The following RBM26 variants were observed in gnomAD, a reference collection of about 807,000 sequenced individuals.
The protein encoded by RBM26 is RNA binding motif protein 26.
A neutral mutation model predicts 123.6 loss-of-function variants in RBM26; 30 were observed. The observed-to-expected ratio is 0.24, with a 90% confidence interval of 0.18 to 0.33. The LOEUF (loss-of-function observed/expected upper bound fraction) is 0.33, where lower values mean the gene tolerates loss of function less well. Ranked by LOEUF, RBM26 falls within the 10% of genes least tolerant of loss-of-function variation. RBM26 has a pLI of 1.00. For missense variants in RBM26, 947 were observed against 1,203.6 expected (o/e 0.79, Z 3.15); for synonymous variants, 400 against 404.4 (o/e 0.99, Z 0.13).
intron 3 of RBM26, among the ~76,000 whole-genome samples, chr13:79,372,759 T>C (rs921190045): frequency 9.2e-6 from 1 of 108,996 alleles, no homozygotes; most frequent in Non-Finnish European, 1.7e-5. Context: ...TAATTTATTA[T>C]ATATTTTATA....
At chr13:79,352,541 C>T (rs185728569) in intron 14 of RBM26, among the ~76,000 whole-genome samples, 26 of 151,588 alleles carry the variant, frequency 1.7e-4, no homozygotes, top group African/African-American at 6.1e-4. Flanking sequence ...AATATTTACC[C>T]CCCTTCATTT....
intron 1 of RBM26, among the ~76,000 whole-genome samples, chr13:79,385,075 T>C (rs2077372054): frequency 6.6e-6 from 1 of 152,180 alleles, no homozygotes; most frequent in Non-Finnish European, 1.5e-5. Context: ...AGAACACGGA[T>C]ATGCACCCAC....
rs756743150 is a variant in RBM26, at chr13:79,366,889, G to A, written c.896-17C>T. 5 of 1,549,026 alleles carry A rather than the reference G, an allele frequency of 3.2e-6. No individual in the cohort carries two copies. The South Asian group carries it at 4.9e-5, about 15-fold the overall frequency. ...AACCCTTTTCTATGAGGAAGGAATA[G>A]TTAGAAACAAATGTCAAAAGCACTG... On this transcript the variant is annotated splice_polypyrimidine_tract_variant and intron_variant, in intron 6 of 21. Coordinates refer to ENST00000438737, the MANE Select transcript of RBM26 (RefSeq NM_001366735.2).
At chr13:79,396,958 T>C (rs1351032864) in intron 1 of RBM26, among the ~76,000 whole-genome samples, 2 of 152,170 alleles carry the variant, frequency 1.3e-5, no homozygotes, top group Admixed American at 6.5e-5. Context: ...GGCAGGCAGA[T>C]CACCTGAGGT....
At chr13:79,385,110 T>G (rs533268921) in intron 1 of RBM26, among the ~76,000 whole-genome samples, 45 of 152,354 alleles carry the variant, frequency 3.0e-4, no homozygotes, top group Admixed American at 8.5e-4. Context: ...AATTTTCATT[T>G]TATATTCAGG....
At chr13:79,341,015 A>G (rs1437101986) in intron 18 of RBM26, 108 bp downstream of exon 18, 3 of 603,792 alleles carry the variant, frequency 5.0e-6, no homozygotes, top group Non-Finnish European at 8.4e-6. Flanking sequence ...GCCAGGGATT[A>G]CCAACAATTA....
At chr13:79,314,857 G>T, downstream of RBM26, 1 of 588,336 alleles carries the variant, frequency 1.7e-6, no homozygotes, top group Non-Finnish European at 2.8e-6. Flanking sequence ...TATAGTACAT[G>T]TAAACATCTG....
At position 79,377,512 on chromosome 13, in the gene RBM26, G is replaced by T; in HGVS notation, c.194C>A (p.Thr65Lys). The change falls in exon 3 of 22, where the codon ACA (threonine) becomes AAA (lysine). Residue 65 changes from threonine (T) to lysine (K), a missense_variant. By Grantham distance (78) the Thr-to-Lys change is moderately conservative (BLOSUM62 -1). This residue lies in a region of RBM26 where 275 missense variants were observed against 361.0 expected (regional missense o/e 0.76). Transcript: ENST00000438737. Reference sequence around the variant, plus strand: ...AAAAAGTTTTTCCACAAATATCTGTGTCTCTAAAAATAAAACCAAACACCA... The same window carrying T: ...AAAAAGTTTTTCCACAAATATCTGTTTCTCTAAAAATAAAACCAAACACCA... The part of the protein sequence containing the change: ...DQLDVFLQKE[T>K]QIFVEKLFDA... The T allele has an allele frequency of 6.2e-7, 1 of 1,606,794 alleles. No homozygotes were observed. The highest frequency in any genetic ancestry group is 8.5e-7 in the Non-Finnish European group (1 of 1,174,578).
chr13:79,371,459 C>T (rs1190671005), intron 4 of RBM26, among the ~76,000 whole-genome samples: 1 of 152,000 alleles, frequency 6.6e-6, no homozygotes, highest in African/African-American at 2.4e-5. Flanking sequence ...CTATCCCGTA[C>T]ATATAATCTC....
At chr13:79,349,104 T>C (rs1275449916) in intron 14 of RBM26, among the ~76,000 whole-genome samples, 1 of 152,196 alleles carries the variant, frequency 6.6e-6, no homozygotes, top group African/African-American at 2.4e-5. Flanking sequence ...TGACTGTCTG[T>C]GTATTTATCA....
At chr13:79,366,260 T>C in intron 7 of RBM26, 65 bp from the exon 8 acceptor site, 2 of 1,510,368 alleles carry the variant, frequency 1.3e-6, no homozygotes, top group Non-Finnish European at 1.8e-6. Flanking sequence ...TTATTGCACA[T>C]CCGAACATAA....
At chr13:79,386,261 G>A (rs1361611075) in intron 1 of RBM26, among the ~76,000 whole-genome samples, 1 of 151,898 alleles carries the variant, frequency 6.6e-6, no homozygotes, top group East Asian at 1.9e-4. Context: ...TGTTATACTG[G>A]TTGAAGTACA....
At position 79,367,425 on chromosome 13, in the gene RBM26, AAAAAAAAGAAG is replaced by A. The variant is rs1403935529; in HGVS notation, c.896-564_896-554del. Among the ~76,000 whole-genome samples the A allele has an allele frequency of 3.9e-4, 47 of 119,256 alleles. 1 individual carries two copies. Among genetic ancestry groups the A allele is most frequent in the Middle Eastern group, 3.8e-3 (1 of 260 alleles). The allele number at this position is 119,256 out of a possible 152,430, so 78.2% of individuals were successfully genotyped here. On this transcript the variant is annotated intron_variant, in intron 6 of 21. Coordinates refer to ENST00000438737, the MANE Select transcript of RBM26 (RefSeq NM_001366735.2). The stretch of plus-strand genomic sequence containing the variant: ...CCATCTCAAAAAAAAAAAAAAAAAA[AAAAAAAAGAAG>A]AAGAAGAGGCAAAAGAGAGAAATGT...
chr13:79,402,435 CTT>C (rs35140010), intron 1 of RBM26, among the ~76,000 whole-genome samples: 15 of 140,574 alleles, frequency 1.1e-4, no homozygotes, highest in Non-Finnish European at 1.1e-4. Context: ...CACAGCCAGG[CTT>C]TTTTTTTTTT....
intron 18 of RBM26, among the ~76,000 whole-genome samples, chr13:79,340,561 C>G (rs924073257): frequency 6.6e-6 from 1 of 151,860 alleles, no homozygotes; most frequent in Admixed American, 6.6e-5. Context: ...TTTTGCTATT[C>G]AAAAATTCTC....
intron 19 of RBM26, among the ~76,000 whole-genome samples, chr13:79,336,185 G>C (rs924323903): frequency 1.3e-5 from 2 of 152,068 alleles, no homozygotes; most frequent in Admixed American, 6.5e-5. Flanking sequence ...TATTCTTTAA[G>C]ATCTAAATTA....
intron 9 of RBM26, among the ~76,000 whole-genome samples, chr13:79,360,490 A>G (rs540559960): frequency 6.7e-6 from 1 of 149,966 alleles, no homozygotes; most frequent in East Asian, 1.9e-4. Context: ...CCTCACCACA[A>G]ATATATATAT....
intron 1 of RBM26, among the ~76,000 whole-genome samples, chr13:79,395,901 A>G (rs1305171390): frequency 6.7e-6 from 1 of 149,622 alleles, no homozygotes; most frequent in African/African-American, 2.5e-5. Flanking sequence ...GAAAAAGAGG[A>G]AAAAAAAATG....
At chr13:79,318,830 G>A, downstream of RBM26, 8 of 980,288 alleles carry the variant, frequency 8.2e-6, no homozygotes, top group Non-Finnish European at 9.7e-6. Context: ...CCTGTTTGGT[G>A]TAAAGAGAAG....
Sources: gnomAD v4.1 joint callset for allele counts (sites outside exome capture counted in the v4.1 genomes callset) on GRCh38, gnomAD v4.1.1 for gene constraint, gnomAD v4.1.1 regional missense constraint, MANE v1.5 for transcripts, NCBI Gene and HGNC (gene_info 2026-07-23, HGNC 2026-07-21) for gene names.